GPHN: variants seen among roughly 807,000 people sequenced by gnomAD.
The protein encoded by GPHN is gephyrin.
In GPHN, 17 loss-of-function variants were observed where a neutral mutation model predicts 95.5. That is an observed-to-expected ratio of 0.18 (90% CI 0.12 to 0.27). The LOEUF is 0.27. GPHN is among the 10% of genes least tolerant of loss of function. GPHN has a pLI of 1.00. For missense variants in GPHN, 660 were observed against 978.1 expected, an observed-to-expected ratio of 0.67 and a Z score of 4.34; for synonymous variants, 320 against 322.5, an observed-to-expected ratio of 0.99 and a Z score of 0.08.
At chr14:67,551,588 G>T in the GPHN span, among the ~76,000 whole-genome samples, 1 of 152,074 alleles carries the variant, frequency 6.6e-6, no homozygotes, top group Non-Finnish European at 1.5e-5. Context: ...ATTCTCTCCC[G>T]TGGGTGCAAG....
chr14:66,909,816 C>T (rs2065579095), intron 5 of GPHN, among the ~76,000 whole-genome samples: 2 of 151,664 alleles, frequency 1.3e-5, no homozygotes. Context: ...AAGTAATCTC[C>T]CATGATTACT....
At chr14:67,294,134 T>C in the GPHN span, among the ~76,000 whole-genome samples, 4 of 152,236 alleles carry the variant, frequency 2.6e-5, no homozygotes, top group African/African-American at 9.6e-5. Flanking sequence ...TATTCACATA[T>C]GTGAATATAG....
At chr14:67,155,369 T>C (rs2081521851) in intron 18 of GPHN, among the ~76,000 whole-genome samples, 1 of 152,204 alleles carries the variant, frequency 6.6e-6, no homozygotes, top group African/African-American at 2.4e-5. Context: ...ATACCTGATA[T>C]TTGGGCTTCA....
chr14:67,616,616 G>T, the GPHN span: 2 of 151,252 alleles, frequency 1.3e-5, no homozygotes, highest in Admixed American at 6.6e-5. Flanking sequence ...AATTTGAATT[G>T]TTAAAGATAA....
the GPHN span, among the ~76,000 whole-genome samples, chr14:67,545,892 T>A: frequency 3.3e-5 from 5 of 152,136 alleles, no homozygotes; most frequent in African/African-American, 1.2e-4. Context: ...GCTCATGGAT[T>A]TTATATATTT....
intron 3 of GPHN, among the ~76,000 whole-genome samples, chr14:66,822,415 C>T (rs2061233728): frequency 6.6e-6 from 1 of 152,200 alleles, no homozygotes; most frequent in South Asian, 2.1e-4. Flanking sequence ...AGTGCCCAGG[C>T]TATACCAAAG....
At chr14:67,006,584 T>A (rs1399611077) in intron 9 of GPHN, among the ~76,000 whole-genome samples, 1 of 152,118 alleles carries the variant, frequency 6.6e-6, no homozygotes, top group Non-Finnish European at 1.5e-5. Context: ...CCCCTTTGGA[T>A]TTTATACTGA....
intron 4 of GPHN, among the ~76,000 whole-genome samples, chr14:66,842,484 G>A (rs2062139394): frequency 6.6e-6 from 1 of 152,182 alleles, no homozygotes; most frequent in Non-Finnish European, 1.5e-5. Context: ...TGTGAAAGGG[G>A]AGGTTGTGGG....
At chr14:67,362,544 G>A in the GPHN span, among the ~76,000 whole-genome samples, 1 of 152,202 alleles carries the variant, frequency 6.6e-6, no homozygotes, top group Admixed American at 6.5e-5. Flanking sequence ...CAGTTCAAAG[G>A]ATGTTATCTT....
intron 10 of GPHN, among the ~76,000 whole-genome samples, chr14:67,050,057 T>C (rs74056472): frequency 0.18 from 27,298 of 152,170 alleles, 2,952 homozygotes; most frequent in Non-Finnish European, 0.25. Context: ...AACATGCAAA[T>C]AGTTTAACCA....
chr14:66,512,227 G>T (rs1159923784), intron 1 of GPHN, among the ~76,000 whole-genome samples: 3 of 151,710 alleles, frequency 2.0e-5, no homozygotes, highest in African/African-American at 7.3e-5. Flanking sequence ...TACATAGCAG[G>T]CTCACTATAT....
At chr14:67,369,341 G>A in the GPHN span, among the ~76,000 whole-genome samples, 1 of 152,202 alleles carries the variant, frequency 6.6e-6, no homozygotes, top group Non-Finnish European at 1.5e-5. Context: ...CTGTGTATGT[G>A]CCTAATAATA....
chr14:67,205,700 G>T, the GPHN span, among the ~76,000 whole-genome samples: 4 of 152,324 alleles, frequency 2.6e-5, no homozygotes, highest in South Asian at 8.3e-4. Context: ...GGACTGGAAA[G>T]TTGCTTAAAA....
intron 2 of GPHN, among the ~76,000 whole-genome samples, chr14:66,767,039 A>G (rs566307948): frequency 1.0e-3 from 156 of 152,194 alleles, no homozygotes; most frequent in African/African-American, 3.4e-3. Context: ...TTGTCTTTAT[A>G]AGTAGAGTTA....
chr14:67,407,053 G>A, the GPHN span, among the ~76,000 whole-genome samples: 1 of 152,154 alleles, frequency 6.6e-6, no homozygotes, highest in Non-Finnish European at 1.5e-5. Flanking sequence ...GCACCTCAGG[G>A]ATGGGCTTAT....
At chr14:67,232,582 A>C in the GPHN span, among the ~76,000 whole-genome samples, 4 of 152,136 alleles carry the variant, frequency 2.6e-5, no homozygotes, top group African/African-American at 4.8e-5. Flanking sequence ...CTACTATTAA[A>C]AGAGCTTGTC....
the GPHN span, among the ~76,000 whole-genome samples, chr14:67,408,356 A>AAATAT: frequency 3.6e-4 from 54 of 150,376 alleles, no homozygotes; most frequent in East Asian, 4.5e-3. Flanking sequence ...AAATAAAATA[A>AAATAT]AAAAAGAAAA....
At chr14:67,608,638 C>A in the GPHN span, among the ~76,000 whole-genome samples, 2 of 152,194 alleles carry the variant, frequency 1.3e-5, no homozygotes, top group Non-Finnish European at 2.9e-5. Context: ...TGCTAAGCCT[C>A]AGTCTTTTCC....
chr14:67,165,308 T>C, intron 20 of GPHN, 82 bp downstream of exon 20: 1 of 833,720 alleles, frequency 1.2e-6, no homozygotes, highest in South Asian at 1.4e-5. Flanking sequence ...CCACCTGGTT[T>C]GAAATCTGAA....
Sources: gnomAD v4.1 joint callset for allele counts (sites outside exome capture counted in the v4.1 genomes callset) on GRCh38, gnomAD v4.1.1 for gene constraint, MANE v1.5 for transcripts, NCBI Gene and HGNC (gene_info 2026-07-23, HGNC 2026-07-21) for gene names.